The following FMN2 variants were observed in gnomAD, a reference collection of about 807,000 sequenced individuals.
FMN2 encodes formin-2.
FMN2 carries 51 observed loss-of-function variants against 142.3 expected under a neutral mutation model. The observed-to-expected ratio is 0.36, with a 90% CI of 0.29 to 0.45. The LOEUF (loss-of-function observed/expected upper bound fraction) is 0.45, where lower values mean the gene tolerates loss of function less well. FMN2 is among the 20% of genes least tolerant of loss of function. The pLI, the probability that FMN2 is intolerant of heterozygous loss-of-function variation, is 1.00. For missense variants in FMN2, 1,936 were observed against 2,122.8 expected (o/e 0.91, Z 1.73); for synonymous variants, 882 against 869.8 (o/e 1.01, Z -0.25).
rs747563262 is a variant in FMN2 at position 240,328,886 on chromosome 1, C to T, written c.4216-190C>T. Among the ~76,000 whole-genome samples the T allele has an allele frequency of 3.3e-5, 5 of 152,220 alleles. No individual in the cohort carries two copies. The East Asian group carries it at 5.8e-4, about 18-fold the overall frequency. On this transcript the variant is annotated intron_variant, in intron 8 of 17. Coordinates refer to ENST00000319653, the MANE Select transcript of FMN2 (RefSeq NM_020066.5). Reference sequence around the variant, plus strand: ...GATTACAGGCATGAGCCACCACACCCGGCCATATTTACACTTTAAAATGCC... The same window carrying T: ...GATTACAGGCATGAGCCACCACACCTGGCCATATTTACACTTTAAAATGCC...
intron 8 of FMN2, among the ~76,000 whole-genome samples, chr1:240,315,728 G>A (rs773608871): frequency 6.6e-6 from 1 of 152,072 alleles, no homozygotes; most frequent in African/African-American, 2.4e-5. Flanking sequence ...AATGTAACCC[G>A]GAGAAGAAAG....
intron 17 of FMN2, among the ~76,000 whole-genome samples, chr1:240,472,834 A>G (rs1676855016): frequency 6.6e-6 from 1 of 151,868 alleles, no homozygotes; most frequent in Non-Finnish European, 1.5e-5. Context: ...AGTCCCAGCT[A>G]CTTGGGAAGC....
intron 14 of FMN2, among the ~76,000 whole-genome samples, chr1:240,387,479 G>A (rs530371415): frequency 2.0e-5 from 3 of 152,178 alleles, no homozygotes; most frequent in African/African-American, 4.8e-5. Flanking sequence ...TAAAAAGTGG[G>A]GAGGGGACTA....
chr1:240,114,299 A>G (rs74149325), intron 1 of FMN2, among the ~76,000 whole-genome samples: 11,356 of 152,288 alleles, frequency 0.075, 506 homozygotes, highest in Non-Finnish European at 0.091. Flanking sequence ...TAACTAGTCC[A>G]TCCTCAGAAC....
intron 4 of FMN2, among the ~76,000 whole-genome samples, chr1:240,193,217 T>C (rs1184129228): frequency 6.6e-6 from 1 of 152,126 alleles, no homozygotes; most frequent in Non-Finnish European, 1.5e-5. Flanking sequence ...CTGATAAAAG[T>C]TCTCTGCTTA....
rs538004526 is a variant in FMN2, at chr1:240,373,120, T to G, written c.4858+17212T>G. Reference sequence around the variant, plus strand: ...AATCGCTTGAACCCAGGAGGTGGAGTTTGCAGTGAGCCGAGATCTCACCAC... The same window carrying G: ...AATCGCTTGAACCCAGGAGGTGGAGGTTGCAGTGAGCCGAGATCTCACCAC... On this transcript the variant is annotated intron_variant, in intron 14 of 17. Transcript: ENST00000319653. 6.6e-5 allele frequency among the ~76,000 whole-genome samples: 10 copies of G among 150,802 alleles called. No homozygotes were observed. In the South Asian group the frequency reaches 2.1e-3, roughly 32 times the overall value.
At chr1:240,182,732 A>G (rs1241188333) in intron 3 of FMN2, among the ~76,000 whole-genome samples, 1 of 152,154 alleles carries the variant, frequency 6.6e-6, no homozygotes, top group African/African-American at 2.4e-5. Context: ...TTTAAAGGTA[A>G]TTGGAAATTT....
chr1:240,206,684 T>G, intron 4 of FMN2, 115 bp from the exon 5 acceptor site: 6 of 1,250,218 alleles, frequency 4.8e-6, no homozygotes, highest in Non-Finnish European at 6.6e-6. Flanking sequence ...CATCTTTCTG[T>G]CAAGGAGTCC....
intron 15 of FMN2, among the ~76,000 whole-genome samples, chr1:240,434,549 T>C (rs557674086): frequency 9.4e-4 from 96 of 101,708 alleles, no homozygotes; most frequent in Non-Finnish European, 1.7e-3. Context: ...TTGTTTTTTG[T>C]TTTTTGTTTT....
At chr1:240,423,404 A>G (rs1483144432) in intron 15 of FMN2, among the ~76,000 whole-genome samples, 1 of 152,214 alleles carries the variant, frequency 6.6e-6, no homozygotes, top group Non-Finnish European at 1.5e-5. Flanking sequence ...ACTGCACAAT[A>G]AAAAACGCAA....
chr1:240,425,495 T>C (rs1674909636), intron 15 of FMN2, among the ~76,000 whole-genome samples: 1 of 152,202 alleles, frequency 6.6e-6, no homozygotes. Flanking sequence ...CATTCTTTTT[T>C]TCTATACTCA....
chr1:240,431,423 T>TATATATATATATATATATAC (rs1491221486), intron 15 of FMN2, among the ~76,000 whole-genome samples: 5 of 130,952 alleles, frequency 3.8e-5, no homozygotes, highest in African/African-American at 1.4e-4. Flanking sequence ...TATATATATA[T>TATATATATATATATATATAC]ACATATATAT....
chr1:240,175,122 C>G (rs1664865524), intron 2 of FMN2, among the ~76,000 whole-genome samples: 1 of 152,170 alleles, frequency 6.6e-6, no homozygotes. Context: ...AGCCAAATGT[C>G]CTCCAGGTTC....
intron 1 of FMN2, among the ~76,000 whole-genome samples, chr1:240,118,738 C>T (rs1449259516): frequency 1.3e-5 from 2 of 152,022 alleles, no homozygotes; most frequent in Non-Finnish European, 2.9e-5. Context: ...GGCGAGGTAT[C>T]CTCCTGAGCA....
intron 16 of FMN2, among the ~76,000 whole-genome samples, chr1:240,440,994 CTTTTTTT>C (rs11358093): frequency 7.8e-6 from 1 of 127,506 alleles, no homozygotes; most frequent in Non-Finnish European, 1.6e-5. Context: ...TTGGTGTAAA[CTTTTTTT>C]TTTTTTTTTT....
chr1:240,358,063 C>T (rs1249490746), intron 14 of FMN2, among the ~76,000 whole-genome samples: 3 of 152,164 alleles, frequency 2.0e-5, no homozygotes, highest in African/African-American at 7.2e-5. Flanking sequence ...TTAAGTTAAA[C>T]ATGATGAGTC....
chr1:240,107,220 T>A (rs1299082062), intron 1 of FMN2, among the ~76,000 whole-genome samples: 4 of 152,036 alleles, frequency 2.6e-5, no homozygotes, highest in Non-Finnish European at 5.9e-5. Context: ...TCATCATCAC[T>A]GGAGATGTTA....
At chr1:240,368,581 A>AT (rs11368441) in intron 14 of FMN2, among the ~76,000 whole-genome samples, 102,613 of 151,984 alleles carry the variant, frequency 0.68, 36,432 homozygotes, top group African/African-American at 0.9. Context: ...AATTTGAGAT[A>AT]TTAAAAAATT....
In FMN2 at chr1:240,351,885, GTCATGGATGTGTATGATA is replaced by G. The variant is rs1206168419; in HGVS notation, c.4766-3895_4766-3878del. On this transcript the variant is annotated intron_variant, in intron 13 of 17. Coordinates refer to ENST00000319653, the MANE Select transcript of FMN2 (RefSeq NM_020066.5). ...GTATGATGTCATGGGTGTGTATGATGTCATGGATGTGTATGATATCATGGATGTGTATGATATCATGGA... is the reference window on the plus strand; with the variant it reads ...GTATGATGTCATGGGTGTGTATGATGTCATGGATGTGTATGATATCATGGA... 7.0e-3 allele frequency among the ~76,000 whole-genome samples: 1,067 copies of G among 152,258 alleles called. 11 individuals are homozygous for G. The highest frequency in any genetic ancestry group is 0.017 in the South Asian group (80 of 4,828).
Sources: allele counts gnomAD v4.1 joint callset (sites outside exome capture counted in the v4.1 genomes callset), GRCh38; gene constraint gnomAD v4.1.1; transcripts MANE v1.5; gene names NCBI Gene and HGNC (gene_info 2026-07-23, HGNC 2026-07-21).